PDE10A: variants seen among roughly 807,000 people sequenced by gnomAD.
PDE10A encodes the protein phosphodiesterase 10A, also known as cAMP and cAMP-inhibited cGMP 3',5'-cyclic phosphodiesterase 10A.
PDE10A carries 39 observed loss-of-function variants against 97.7 expected under a neutral mutation model. The observed-to-expected ratio is 0.40, with a 90% CI of 0.31 to 0.52. The LOEUF is 0.52. Ranked by LOEUF, PDE10A falls within the 20% of genes least tolerant of loss-of-function variation. The pLI is 0.56. For synonymous variants in PDE10A, 371 were observed against 376.8 expected (o/e 0.98, Z 0.18); for missense variants, 731 against 1,047.8 (o/e 0.70, Z 4.17).
chr6:165,964,676 A>T lies in PDE10A; in HGVS notation c.-615+22853T>A, dbSNP rs143238526. 1.4e-3 allele frequency among the ~76,000 whole-genome samples: 213 copies of T among 152,340 alleles called. 1 individual carries two copies. The highest frequency in any genetic ancestry group is 4.8e-3 in the African/African-American group (201 of 41,588). On this transcript the variant is annotated intron_variant, in intron 1 of 19. Transcript: ENST00000366882. ...TAAGTCCTGGTCCCTGTTATCCAGC[A>T]GTGCCCAATTTAGAAGGAGATGGCC... is the stretch of plus-strand genomic sequence containing the variant.
intron 3 of PDE10A, among the ~76,000 whole-genome samples, chr6:165,471,722 A>C (rs530122312): frequency 5.3e-4 from 80 of 152,200 alleles, no homozygotes; most frequent in Admixed American, 1.6e-3. Flanking sequence ...CTCCTTTCAA[A>C]ATAAATGCAG....
chr6:165,430,189 A>C, intron 9 of PDE10A, 98 bp downstream of exon 9: 4 of 764,258 alleles, frequency 5.2e-6, no homozygotes, highest in Non-Finnish European at 8.9e-6. Flanking sequence ...ATCTTCAGTT[A>C]TCAGCTGCAA....
intron 1 of PDE10A, among the ~76,000 whole-genome samples, chr6:165,652,083 G>A (rs189049653): frequency 6.6e-6 from 1 of 152,180 alleles, no homozygotes; most frequent in Admixed American, 6.5e-5. Flanking sequence ...TTAAAAATTA[G>A]ATATATTTAA....
intron 1 of PDE10A, among the ~76,000 whole-genome samples, chr6:165,553,164 T>C (rs112942143): frequency 6.6e-6 from 1 of 152,208 alleles, no homozygotes; most frequent in Admixed American, 6.5e-5. Context: ...ACAATTTATA[T>C]AGCAGTTCTT....
At chr6:165,584,354 TG>T (rs1405263620) in intron 1 of PDE10A, among the ~76,000 whole-genome samples, 1 of 152,150 alleles carries the variant, frequency 6.6e-6, no homozygotes, top group East Asian at 1.9e-4. Flanking sequence ...CTGGGGGGCC[TG>T]GAGGAGGTAC....
chr6:165,563,205 G>A (rs1478840912), intron 1 of PDE10A, among the ~76,000 whole-genome samples: 1 of 142,110 alleles, frequency 7.0e-6, no homozygotes, highest in South Asian at 2.5e-4. Flanking sequence ...GGCAAGGGAG[G>A]GGGGAAAAAG....
intron 1 of PDE10A, among the ~76,000 whole-genome samples, chr6:165,875,972 T>C (rs887101847): frequency 6.6e-6 from 1 of 152,260 alleles, no homozygotes; most frequent in Non-Finnish European, 1.5e-5. Flanking sequence ...TTGTGTAAAG[T>C]GGCTTTTTAA....
At chr6:165,770,642 G>C (rs960878265) in intron 1 of PDE10A, among the ~76,000 whole-genome samples, 1 of 152,112 alleles carries the variant, frequency 6.6e-6, no homozygotes, top group African/African-American at 2.4e-5. Context: ...CCTGGGGAGC[G>C]ACTCAAGAAC....
chr6:165,758,533 G>GGAAGAGGAAGAGGAAGAGGAAGAA (rs1793175239), intron 1 of PDE10A, among the ~76,000 whole-genome samples: 1 of 81,370 alleles, frequency 1.2e-5, no homozygotes, highest in Non-Finnish European at 3.7e-5. Flanking sequence ...AAGAAGAAGA[G>GGAAGAGGAAGAGGAAGAGGAAGAA]GAAGAGGAAG....
At chr6:165,800,353 G>A (rs1291861419) in intron 1 of PDE10A, among the ~76,000 whole-genome samples, 1 of 152,166 alleles carries the variant, frequency 6.6e-6, no homozygotes, top group Non-Finnish European at 1.5e-5. Context: ...AAGGAAATTG[G>A]GAATTTTTAT....
At chr6:165,507,718 G>A (rs990598489) in intron 2 of PDE10A, among the ~76,000 whole-genome samples, 5 of 151,952 alleles carry the variant, frequency 3.3e-5, no homozygotes, top group African/African-American at 1.2e-4. Context: ...CACACCTCTT[G>A]GGAATTATCG....
intron 1 of PDE10A, among the ~76,000 whole-genome samples, chr6:165,860,989 C>A (rs767191558): frequency 6.6e-6 from 1 of 152,222 alleles, no homozygotes; most frequent in Non-Finnish European, 1.5e-5. Context: ...ATTTGTCTGC[C>A]CAGCTTGCTT....
In PDE10A at chr6:165,965,583, C is replaced by A. The variant is rs376254356; in HGVS notation, c.-615+21946G>T. Among the ~76,000 whole-genome samples, 8 of 152,296 alleles carry A rather than the reference C, an allele frequency of 5.3e-5. No individual in the cohort carries two copies. In the South Asian group the frequency reaches 8.3e-4, roughly 16 times the overall value. ...ACACTCCTGCCCTAATACTGCCATC[C>A]TTACCTTTGTATTTCTTTGTCACTC... is the stretch of plus-strand genomic sequence containing the variant. On this transcript the variant is annotated intron_variant, in intron 1 of 19. Coordinates refer to the PDE10A transcript ENST00000366882.
rs551215204 is a variant in PDE10A, at chr6:165,511,672, A to T, written c.995-29329T>A. 2.0e-5 allele frequency among the ~76,000 whole-genome samples: 3 copies of T among 152,108 alleles called. No individual in the cohort carries two copies. The South Asian group carries it at 6.2e-4, about 31-fold the overall frequency. ...TCTCTCTCTCTTTAGATCTAGTAAT[A>T]TTAGCTTTATGAATCTGGGTGCTCC... On this transcript the variant is annotated intron_variant, in intron 2 of 21. Transcript: ENST00000539869.
chr6:165,508,402 C>A lies in PDE10A; in HGVS notation c.995-26059G>T, dbSNP rs544104576. Among the ~76,000 whole-genome samples the A allele has an allele frequency of 2.0e-5, 3 of 151,960 alleles. No individual in the cohort carries two copies. In the South Asian group the frequency reaches 6.3e-4, roughly 32 times the overall value. ...CTGTTGCCTGTATCAATAATTTATT[C>A]TTTTTATTGAAGAGTAGCATTCCTT... On this transcript the variant is annotated intron_variant, in intron 2 of 21. Transcript: ENST00000539869.
chr6:165,548,866 G>T (rs1162810790), intron 1 of PDE10A, among the ~76,000 whole-genome samples: 1 of 152,176 alleles, frequency 6.6e-6, no homozygotes. Context: ...TGAAAATAAT[G>T]AGTGGATGCA....
intron 1 of PDE10A, among the ~76,000 whole-genome samples, chr6:165,903,209 A>T (rs1306987195): frequency 6.6e-6 from 1 of 152,164 alleles, no homozygotes; most frequent in Admixed American, 6.5e-5. Context: ...ATTCTTCTGC[A>T]TTGGGAGCTC....
chr6:165,634,949 T>A (rs1788804489), intron 1 of PDE10A, among the ~76,000 whole-genome samples: 1 of 152,222 alleles, frequency 6.6e-6, no homozygotes, highest in Non-Finnish European at 1.5e-5. Flanking sequence ...CCTGTGTTCA[T>A]TTAAGCATTT....
rs568190559 is a variant in PDE10A, at chr6:165,658,223, A to T, written c.865+3724T>A. On this transcript the variant is annotated intron_variant, in intron 1 of 21. Transcript: ENST00000539869. ...CAGTTTGTTCAAGTGTCGGCCACAC[A>T]GTATCTTATGTCTCAAGAAACAGTA... Among the ~76,000 whole-genome samples, 9 of 152,326 alleles carry T rather than the reference A, an allele frequency of 5.9e-5. No individual in the cohort carries two copies. In the South Asian group the frequency reaches 8.3e-4, roughly 14 times the overall value.
Sources: allele counts gnomAD v4.1 joint callset (sites outside exome capture counted in the v4.1 genomes callset), GRCh38; gene constraint gnomAD v4.1.1; transcripts MANE v1.5; gene names NCBI Gene and HGNC (gene_info 2026-07-23, HGNC 2026-07-21).